FGF12: variants seen among roughly 807,000 people sequenced by gnomAD.
FGF12 encodes fibroblast growth factor 12.
In FGF12, 14 loss-of-function variants were observed where a neutral mutation model predicts 23.6. The ratio of observed to expected loss-of-function variants is 0.59; its 90% CI spans 0.39 to 0.93. The LOEUF (loss-of-function observed/expected upper bound fraction) is 0.93. FGF12 is among the 40% of genes least tolerant of loss of function. The pLI is 0.00. For synonymous variants in FGF12, 62 were observed against 77.3 expected, an observed-to-expected ratio of 0.80 and a Z score of 1.04; for missense variants, 175 against 217.8, an observed-to-expected ratio of 0.80 and a Z score of 1.24.
chr3:192,309,548 G>A (rs944069516), intron 4 of FGF12, among the ~76,000 whole-genome samples: 4 of 152,060 alleles, frequency 2.6e-5, no homozygotes, highest in Non-Finnish European at 5.9e-5. Flanking sequence ...AACCTAAGGT[G>A]GGAGAGAGGT....
intron 2 of FGF12, among the ~76,000 whole-genome samples, chr3:192,394,049 GTATGACA>G (rs1467668286): frequency 6.6e-6 from 1 of 152,150 alleles, no homozygotes; most frequent in East Asian, 1.9e-4. Flanking sequence ...CTGTCCTGCA[GTATGACA>G]TTACACATTA....
intron 2 of FGF12, among the ~76,000 whole-genome samples, chr3:192,367,296 T>C (rs1272714474): frequency 1.3e-5 from 2 of 152,224 alleles, no homozygotes; most frequent in Admixed American, 1.3e-4. Flanking sequence ...CGGGTTCTTT[T>C]AATCAGCCTC....
intron 2 of FGF12, among the ~76,000 whole-genome samples, chr3:192,472,141 T>C (rs76763927): frequency 1.3e-5 from 2 of 152,010 alleles, no homozygotes; most frequent in Non-Finnish European, 2.9e-5. Flanking sequence ...CTCAGCCTCC[T>C]GAGTAGCTGG....
chr3:192,723,993 GA>G (rs1190929559), intron 2 of FGF12, among the ~76,000 whole-genome samples: 10 of 123,322 alleles, frequency 8.1e-5, no homozygotes, highest in Admixed American at 1.6e-4. Flanking sequence ...GGAAGGGAGG[GA>G]GGGGGAAGGA....
intron 2 of FGF12, among the ~76,000 whole-genome samples, chr3:192,722,711 G>A (rs541077222): frequency 2.0e-5 from 3 of 152,250 alleles, no homozygotes; most frequent in South Asian, 2.1e-4. Context: ...CATATAATTC[G>A]AATCCCTACT....
intron 4 of FGF12, among the ~76,000 whole-genome samples, chr3:192,204,027 C>T (rs989099796): frequency 2.6e-5 from 4 of 151,958 alleles, no homozygotes; most frequent in Non-Finnish European, 5.9e-5. Flanking sequence ...AAAAAAAAAG[C>T]AAATCTGTCC....
At chr3:192,162,821 T>C (rs545508276) in intron 5 of FGF12, among the ~76,000 whole-genome samples, 14 of 152,142 alleles carry the variant, frequency 9.2e-5, no homozygotes, top group Non-Finnish European at 1.9e-4. Context: ...TCTTATTATG[T>C]AGTTTTGAAG....
chr3:192,571,484 A>C (rs1248770520), intron 2 of FGF12, among the ~76,000 whole-genome samples: 1 of 152,244 alleles, frequency 6.6e-6, no homozygotes, highest in Non-Finnish European at 1.5e-5. Context: ...CGGCATCAAC[A>C]GGCAGAAGGT....
chr3:192,533,364 A>G lies in FGF12; in HGVS notation c.14-172826T>C, dbSNP rs1312153973. ...TTGGGGAACAAGGTGGTATTTTTTT[A>G]AAGTAATACAGTTAATGTATAAAAT... On this transcript the variant is annotated intron_variant, in intron 2 of 5. Transcript: ENST00000445105. Among the ~76,000 whole-genome samples the G allele has an allele frequency of 2.0e-5, 3 of 152,200 alleles. No homozygotes were observed. In the East Asian group the frequency reaches 5.8e-4, roughly 29 times the overall value.
intron 2 of FGF12, among the ~76,000 whole-genome samples, chr3:192,513,185 G>GC (rs1724546688): frequency 6.6e-6 from 1 of 151,742 alleles, no homozygotes; most frequent in East Asian, 1.9e-4. Context: ...CTGTGGACCA[G>GC]GAAAAAATGA....
chr3:192,675,272 A>C (rs1717287122), intron 2 of FGF12, among the ~76,000 whole-genome samples: 1 of 151,984 alleles, frequency 6.6e-6, no homozygotes. Flanking sequence ...TGTGGGTATA[A>C]AACTCTTATT....
intron 2 of FGF12, among the ~76,000 whole-genome samples, chr3:192,410,760 G>C (rs556902782): frequency 6.6e-6 from 1 of 152,232 alleles, no homozygotes; most frequent in Admixed American, 6.5e-5. Context: ...CTCCAGGTGC[G>C]GCGAGGGAGT....
chr3:192,626,286 T>TTTGG (rs1456674977), intron 2 of FGF12, among the ~76,000 whole-genome samples: 3 of 152,234 alleles, frequency 2.0e-5, no homozygotes, highest in South Asian at 2.1e-4. Flanking sequence ...AGGCAGTCAA[T>TTTGG]TAATTATCTA....
At chr3:192,586,032 A>G (rs1713360606) in intron 2 of FGF12, among the ~76,000 whole-genome samples, 1 of 149,268 alleles carries the variant, frequency 6.7e-6, no homozygotes, top group African/African-American at 2.4e-5. Flanking sequence ...AGTCCATAAA[A>G]GAAAAAAATC....
chr3:192,170,127 A>C (rs1715463486), intron 5 of FGF12, among the ~76,000 whole-genome samples: 2 of 126,666 alleles, frequency 1.6e-5, no homozygotes, highest in Non-Finnish European at 3.1e-5. Context: ...TATTTGTAAT[A>C]GAATTTTCCT....
intron 2 of FGF12, among the ~76,000 whole-genome samples, chr3:192,421,959 A>G (rs1184469947): frequency 2.0e-5 from 3 of 152,106 alleles, no homozygotes; most frequent in Non-Finnish European, 4.4e-5. Context: ...GAAGATGTCT[A>G]TTAACTGGGG....
At chr3:192,522,433 A>G (rs1166155650) in intron 2 of FGF12, among the ~76,000 whole-genome samples, 2 of 152,228 alleles carry the variant, frequency 1.3e-5, no homozygotes, top group African/African-American at 4.8e-5. Flanking sequence ...TAAGATTTCA[A>G]GGATAAAAAT....
chr3:192,458,544 C>A (rs908448650), intron 2 of FGF12, among the ~76,000 whole-genome samples: 6 of 152,112 alleles, frequency 3.9e-5, no homozygotes, highest in Non-Finnish European at 8.8e-5. Flanking sequence ...AGCCTGTAAC[C>A]CCTTTGTTTT....
chr3:192,254,503 T>C (rs1202137445), intron 4 of FGF12, among the ~76,000 whole-genome samples: 2 of 152,006 alleles, frequency 1.3e-5, no homozygotes, highest in Admixed American at 6.6e-5. Context: ...CTCTGCAATA[T>C]TGACACACAA....
Sources: allele counts gnomAD v4.1 joint callset (sites outside exome capture counted in the v4.1 genomes callset), GRCh38; gene constraint gnomAD v4.1.1; transcripts MANE v1.5; gene names NCBI Gene and HGNC (gene_info 2026-07-23, HGNC 2026-07-21).